Variants in GFPT2 observed in about 807,000 individuals in gnomAD.
GFPT2 encodes glutamine--fructose-6-phosphate aminotransferase [isomerizing] 2.
GFPT2 carries 62 observed loss-of-function variants against 85.6 expected under a neutral mutation model. The observed-to-expected ratio is 0.72, with a 90% CI of 0.59 to 0.90. GFPT2 has a LOEUF of 0.90. Ranked by LOEUF, GFPT2 falls within the 40% of genes least tolerant of loss-of-function variation. The probability of loss-of-function intolerance (pLI) is 0.00; values close to 1 mark genes in which losing one functional copy is unlikely to be tolerated. For synonymous variants in GFPT2, 368 were observed against 344.5 expected (o/e 1.07, Z -0.75); for missense variants, 788 against 893.4 (o/e 0.88, Z 1.50).
At chr5:180,336,404 G>T (rs550483131) in intron 3 of GFPT2, 75 bp downstream of exon 3, 3 of 830,680 alleles carry the variant, frequency 3.6e-6, no homozygotes, top group South Asian at 2.7e-5. Context: ...TCCATTCTCC[G>T]GCGCTGTTGG....
At chr5:180,325,306 C>T (rs562135512) in intron 7 of GFPT2, among the ~76,000 whole-genome samples, 1 of 152,298 alleles carries the variant, frequency 6.6e-6, no homozygotes, top group Admixed American at 6.5e-5. Context: ...AACAATAGGG[C>T]TCTGCACCCA....
chr5:180,331,962 G>T (rs58646811), intron 4 of GFPT2, among the ~76,000 whole-genome samples: 1,679 of 152,310 alleles, frequency 0.011, 30 homozygotes, highest in African/African-American at 0.039. Flanking sequence ...GCACAAAGAG[G>T]TCGCAAAGAA....
At chr5:180,339,358 G>A (rs1453998142) in intron 1 of GFPT2, among the ~76,000 whole-genome samples, 3 of 129,444 alleles carry the variant, frequency 2.3e-5, no homozygotes, top group Admixed American at 9.2e-5. Flanking sequence ...CCAGCCTGGC[G>A]ACAGAGCTAG....
chr5:180,350,727 G>GTTTCAGA lies in GFPT2; in HGVS notation c.7+2483_7+2484insTCTGAAA, dbSNP rs1764696365. 4.1e-4 allele frequency among the ~76,000 whole-genome samples: 63 copies of GTTTCAGA among 152,356 alleles called. No homozygotes were observed. In the South Asian group the frequency reaches 0.013, roughly 31 times the overall value. On this transcript the variant is annotated intron_variant, in intron 1 of 18. Transcript: ENST00000253778. ...ACTTTCAGATGTCAATAAAACCAAA[G>GTTTCAGA]TGTCATTTCAGCTAAATTCTCAGTG...
chr5:180,317,490 T>G (rs1458126424), intron 10 of GFPT2, among the ~76,000 whole-genome samples: 2 of 151,678 alleles, frequency 1.3e-5, no homozygotes, highest in Non-Finnish European at 2.9e-5. Context: ...CCGGGCGCAG[T>G]GGCTCACGCC....
intron 14 of GFPT2, 142 bp from the exon 15 acceptor site, chr5:180,312,686 T>C (rs1027033192): frequency 2.1e-5 from 12 of 578,252 alleles, no homozygotes; most frequent in East Asian, 8.8e-5. Context: ...CCTCCTCAAG[T>C]GATTCTCCCA....
At chr5:180,327,712 T>C (rs1764234482) in intron 7 of GFPT2, among the ~76,000 whole-genome samples, 2 of 152,176 alleles carry the variant, frequency 1.3e-5, no homozygotes, top group South Asian at 4.1e-4. Flanking sequence ...ATAAACAGGA[T>C]GGCACTTAAC....
At position 180,353,285 on chromosome 5, in the gene GFPT2, G is replaced by T; in HGVS notation, c.-68C>A. 8.3e-7 allele frequency: 1 copy of T among 1,197,986 alleles called. No individual in the cohort carries two copies. 74.2% of individuals were successfully genotyped at this position (1,197,986 alleles called of 1,614,324 possible). ...CCCGTTCGGACGCTGGGGCTCCTCC[G>T]TGGGCTCCTCCGTGGGCTCCGTGGG... On this transcript the variant is annotated 5_prime_UTR_variant, in exon 1 of 19. Transcript: ENST00000253778.
At chr5:180,340,512 T>G (rs1179773285) in intron 1 of GFPT2, among the ~76,000 whole-genome samples, 3 of 50,456 alleles carry the variant, frequency 5.9e-5, no homozygotes, top group African/African-American at 2.1e-4. Context: ...GGCCTGCAGG[T>G]TTTTTTTTTT....
chr5:180,336,677 C>A, intron 2 of GFPT2, 100 bp from the exon 3 acceptor site: 1 of 797,322 alleles, frequency 1.3e-6, no homozygotes, highest in Admixed American at 1.7e-5. Flanking sequence ...CCCGGGCTGT[C>A]CGTTTATGGC....
chr5:180,352,067 G>A (rs1452803322), intron 1 of GFPT2, among the ~76,000 whole-genome samples: 1 of 152,174 alleles, frequency 6.6e-6, no homozygotes, highest in African/African-American at 2.4e-5. Flanking sequence ...CGAGATTTTA[G>A]CTGAGGGTTC....
In GFPT2 at chr5:180,313,392, C is replaced by G. The variant is rs1023718145; in HGVS notation, c.1431+415G>C. 4.7e-5 allele frequency among the ~76,000 whole-genome samples: 7 copies of G among 150,270 alleles called. No individual in the cohort carries two copies. In the East Asian group the frequency reaches 6.2e-4, roughly 13 times the overall value. ...GGATCACGAGGTCAGGAGATCGAGA[C>G]CATCCCGGCTAACACGGTGAAACCC... On this transcript the variant is annotated intron_variant, in intron 14 of 18. Transcript: ENST00000253778.
chr5:180,341,202 C>T (rs1368462130), intron 1 of GFPT2, among the ~76,000 whole-genome samples: 2 of 152,150 alleles, frequency 1.3e-5, no homozygotes, highest in East Asian at 3.9e-4. Flanking sequence ...ATGGATGCCA[C>T]GAGGGTTACA....
In GFPT2 at chr5:180,318,818, C is replaced by G; in HGVS notation, c.933G>C (p.Gln311His). The G allele has an allele frequency of 6.2e-7, 1 of 1,614,074 alleles. No homozygotes were observed. The highest frequency in any genetic ancestry group is 8.5e-7 in the Non-Finnish European group (1 of 1,180,018). ...CTTTCATGATTTGCTGCAGTTCCAT[C>G]TGCAAGGTCTGGATGGCTCGAGATG... ...DDPSRAIQTL[Q>H]MELQQIMKGN... Residue 311 changes from glutamine to histidine, a missense_variant, in exon 10 of 19, where the codon CAG becomes CAC. By Grantham distance (24) the Gln-to-His change is conservative (BLOSUM62 0). Coordinates refer to ENST00000253778, the MANE Select transcript of GFPT2 (RefSeq NM_005110.4). The surrounding 1 kb of genome is among the most constrained non-coding windows in gnomAD (Gnocchi z 4.2).
chr5:180,346,057 G>A (rs1764601691), intron 1 of GFPT2, among the ~76,000 whole-genome samples: 1 of 151,990 alleles, frequency 6.6e-6, no homozygotes, highest in Non-Finnish European at 1.5e-5. Context: ...CAGGGCCTAG[G>A]GAAGGCTCCC....
At chr5:180,315,278 C>G (rs1367693652) in intron 13 of GFPT2, among the ~76,000 whole-genome samples, 3 of 151,834 alleles carry the variant, frequency 2.0e-5, no homozygotes, top group African/African-American at 4.8e-5. Context: ...CCCGGGTTCA[C>G]GCCATTCTCC....
chr5:180,317,031 T>C lies in GFPT2; in HGVS notation c.986A>G (p.Glu329Gly). Residue 329 changes from glutamate (E) to glycine (G), a missense_variant, in exon 11 of 19, where the codon GAG becomes GGG. By Grantham distance (98) the Glu-to-Gly change is moderately conservative. Coordinates refer to ENST00000253778, the MANE Select transcript of GFPT2 (RefSeq NM_005110.4). ...KGNFSAFMQK[E>G]IFEQPESVFN... Reference sequence around the variant, plus strand: ...AACTGATTCTGGCTGTTCGAAGATCTCCTTCTGCATAAACGCACTGAAGTT... The same window carrying C: ...AACTGATTCTGGCTGTTCGAAGATCCCCTTCTGCATAAACGCACTGAAGTT... 1 of 1,610,258 alleles carries C rather than the reference T, an allele frequency of 6.2e-7. No individual in the cohort carries two copies. Among genetic ancestry groups the C allele is most frequent in the Non-Finnish European group, 8.5e-7 (1 of 1,176,410 alleles).
intron 15 of GFPT2, among the ~76,000 whole-genome samples, chr5:180,309,723 G>C (rs147525307): frequency 1.9e-4 from 29 of 151,608 alleles, no homozygotes; most frequent in Non-Finnish European, 4.4e-5. Flanking sequence ...CAGTAGAAAG[G>C]CGCTACGTGT....
intron 2 of GFPT2, among the ~76,000 whole-genome samples, chr5:180,338,188 C>T (rs548996267): frequency 3.9e-5 from 6 of 152,166 alleles, no homozygotes; most frequent in Admixed American, 1.3e-4. Flanking sequence ...AGTCAGGCAC[C>T]GCACGGCAGA....
Sources: gnomAD v4.1 joint callset for allele counts (sites outside exome capture counted in the v4.1 genomes callset) on GRCh38, gnomAD v4.1.1 for gene constraint, Gnocchi (gnomAD v3.1) non-coding constraint, MANE v1.5 for transcripts, NCBI Gene and HGNC (gene_info 2026-07-23, HGNC 2026-07-21) for gene names.